The following GPSM1 variants were observed in gnomAD, a reference collection of about 807,000 sequenced individuals.
The protein encoded by GPSM1 is G protein-signaling modulator 1.
A neutral mutation model predicts 70.5 loss-of-function variants in GPSM1; 48 were observed. The observed-to-expected ratio is 0.68, with a 90% confidence interval of 0.54 to 0.87. GPSM1 has a LOEUF of 0.87. Ranked by LOEUF, GPSM1 falls within the 40% of genes least tolerant of loss-of-function variation. GPSM1 has a pLI of 0.00. For synonymous variants in GPSM1, 416 were observed against 430.1 expected (o/e 0.97, Z 0.41); for missense variants, 981 against 972.6 (o/e 1.01, Z -0.11).
intron 11 of GPSM1, among the ~76,000 whole-genome samples, chr9:136,349,986 C>G (rs563194398): frequency 1.3e-5 from 2 of 152,192 alleles, no homozygotes; most frequent in African/African-American, 4.8e-5. Context: ...TCAGAGGCCC[C>G]GGCCACCGAG....
rs1170482009 is a variant in GPSM1, at chr9:136,327,627, G to A, written c.-69G>A. 8.8e-6 allele frequency: 3 copies of A among 340,192 alleles called. No individual in the cohort carries two copies. Among genetic ancestry groups the A allele is most frequent in the Non-Finnish European group, 1.3e-5 (3 of 228,434 alleles). 21.1% of individuals were successfully genotyped at this position (340,192 alleles called of 1,614,324 possible). On this transcript the variant is annotated 5_prime_UTR_variant, in exon 1 of 14. Transcript: ENST00000440944. ...AGGGCGGACAGCAGGGAGGACAGCA[G>A]GGCGGGCAGGGGGCGGACGGCCACG...
chr9:136,327,803 ACCGG>A, intron 1 of GPSM1, 40 bp downstream of exon 1: 1 of 865,084 alleles, frequency 1.2e-6, no homozygotes, highest in African/African-American at 1.8e-5. Context: ...CGGGGCTGGG[ACCGG>A]ACCGGGCCGG....
At position 136,358,376 on chromosome 9, in the gene GPSM1, G is replaced by T. The variant is rs957435852; in HGVS notation, c.*156G>T. The stretch of plus-strand genomic sequence containing the variant: ...CAGGGCGACAGGCTCAGGCCAAGCT[G>T]CCCGTGGTGGGAGGGCGTGCTTCCA... On this transcript the variant is annotated 3_prime_UTR_variant, in exon 14 of 14. Coordinates refer to ENST00000440944, the MANE Select transcript of GPSM1 (RefSeq NM_001145638.3). 5 of 699,044 alleles carry T rather than the reference G, an allele frequency of 7.2e-6. No homozygotes were observed. In the Admixed American group the frequency reaches 1.2e-4, roughly 17 times the overall value. 43.3% of individuals were successfully genotyped at this position (699,044 alleles called of 1,614,324 possible).
intron 9 of GPSM1, among the ~76,000 whole-genome samples, chr9:136,344,501 G>C (rs537032868): frequency 6.6e-6 from 1 of 152,326 alleles, no homozygotes; most frequent in South Asian, 2.1e-4. Flanking sequence ...CAGAGACAGC[G>C]AGGAAGAAGG....
At chr9:136,349,564 C>T (rs761319881) in intron 10 of GPSM1, 23 bp from the exon 11 acceptor site, 14 of 1,544,912 alleles carry the variant, frequency 9.1e-6, no homozygotes, top group Admixed American at 7.9e-5. Context: ...GCCCAGGCCA[C>T]GCACAGCCTT....
intron 11 of GPSM1, chr9:136,355,055 G>A (rs1832778614): frequency 1.5e-6 from 1 of 660,808 alleles, no homozygotes; most frequent in South Asian, 4.2e-5. Flanking sequence ...GGGGTAGCCG[G>A]GTGCCGAGGG....
Position 136,337,970 on chromosome 9 carries a change from T to TCCCCACA in GPSM1, c.818+10_818+16dup, listed in dbSNP as rs1832288725. ...GCCGCCGAGTACTACAAGTAGGTGG[T>TCCCCACA]CCCCACAATCTCCCAGGGAGACAGC... On this transcript the variant is annotated intron_variant, in intron 6 of 13. Coordinates refer to ENST00000440944, the MANE Select transcript of GPSM1 (RefSeq NM_001145638.3). The TCCCCACA allele has an allele frequency of 6.4e-7, 1 of 1,559,002 alleles. No individual in the cohort carries two copies. Among genetic ancestry groups the TCCCCACA allele is most frequent in the African/African-American group, 1.4e-5 (1 of 73,898 alleles).
At position 136,359,146 on chromosome 9, in the gene GPSM1, G is replaced by C. The variant is rs1298632600; in HGVS notation, c.*926G>C. ...GAGATGACATCACTGCTCTCTCCAT[G>C]GGGAGGGGGCTCACAGGGCACCAAG... is the stretch of plus-strand genomic sequence containing the variant. On this transcript the variant is annotated 3_prime_UTR_variant, in exon 14 of 14. Transcript: ENST00000440944. 6.6e-6 allele frequency: 1 copy of C among 152,492 alleles called. No homozygotes were observed. Among genetic ancestry groups the C allele is most frequent in the Non-Finnish European group, 1.5e-5 (1 of 68,168 alleles). The allele number at this position is 152,492 out of a possible 1,614,324, so 9.4% of individuals were successfully genotyped here.
In GPSM1 at chr9:136,358,253, C is replaced by A; in HGVS notation, c.*33C>A. ...TGCCCACCGCCAGGCCCACCCTGCC[C>A]CCACTCCTGGACGCCGGTCTCACAG... On this transcript the variant is annotated 3_prime_UTR_variant, in exon 14 of 14. Coordinates refer to ENST00000440944, the MANE Select transcript of GPSM1 (RefSeq NM_001145638.3). The A allele has an allele frequency of 6.7e-7, 1 of 1,502,466 alleles. No individual in the cohort carries two copies. The highest frequency in any genetic ancestry group is 8.9e-7 in the Non-Finnish European group (1 of 1,118,116). 93.1% of individuals were successfully genotyped at this position (1,502,466 alleles called of 1,614,324 possible).
At chr9:136,345,747 C>G (rs1554771174) in intron 9 of GPSM1, among the ~76,000 whole-genome samples, 1 of 152,184 alleles carries the variant, frequency 6.6e-6, no homozygotes, top group East Asian at 1.9e-4. Context: ...AAGTGAAGGG[C>G]CCGCCCCAGC....
chr9:136,350,959 C>A (rs1554771966), intron 11 of GPSM1, among the ~76,000 whole-genome samples: 2 of 152,194 alleles, frequency 1.3e-5, no homozygotes, highest in Non-Finnish European at 1.5e-5. Context: ...TGTGCCAGGG[C>A]CACCCCAGCC....
rs1335574716 is a variant in GPSM1, at chr9:136,359,355, A to C, written c.*1135A>C. The C allele has an allele frequency of 6.6e-6, 1 of 152,064 alleles. No homozygotes were observed. The highest frequency in any genetic ancestry group is 1.5e-5 in the Non-Finnish European group (1 of 68,010). 9.4% of individuals were successfully genotyped at this position (152,064 alleles called of 1,614,324 possible). ...GAGGGTGCCTCTAGGCCCCACTCTCAGGCTAGGATGGAGAGGCAGATCTGG... is the reference window on the plus strand; with the variant it reads ...GAGGGTGCCTCTAGGCCCCACTCTCCGGCTAGGATGGAGAGGCAGATCTGG... On this transcript the variant is annotated 3_prime_UTR_variant, in exon 14 of 14. Coordinates refer to ENST00000440944, the MANE Select transcript of GPSM1 (RefSeq NM_001145638.3).
chr9:136,328,641 C>T (rs1338013191), intron 1 of GPSM1, among the ~76,000 whole-genome samples: 3 of 152,254 alleles, frequency 2.0e-5, no homozygotes, highest in Admixed American at 6.5e-5. Flanking sequence ...AAGCAGCAAG[C>T]CTCTGCCTGG....
chr9:136,347,478 C>T (rs1213638345), intron 9 of GPSM1, among the ~76,000 whole-genome samples: 2 of 152,066 alleles, frequency 1.3e-5, no homozygotes, highest in African/African-American at 2.4e-5. Flanking sequence ...CTCCCAGCTG[C>T]GAGAGTCTCC....
At chr9:136,339,643 AGGGGCT>A in intron 7 of GPSM1, 58 bp from the exon 8 acceptor site, 2 of 1,140,804 alleles carry the variant, frequency 1.8e-6, no homozygotes, top group Middle Eastern at 2.4e-4. Flanking sequence ...CCACCAGGGG[AGGGGCT>A]GGGGCTGGGG....
intron 1 of GPSM1, among the ~76,000 whole-genome samples, chr9:136,331,395 C>G (rs1038670257): frequency 1.3e-5 from 2 of 150,742 alleles, no homozygotes; most frequent in African/African-American, 4.9e-5. Flanking sequence ...ATGCTGGCAC[C>G]GTGGGCTGGT....
chr9:136,341,229 G>T lies in GPSM1; in HGVS notation c.1207+236G>T. 6.6e-7 allele frequency: 1 copy of T among 1,517,820 alleles called. No individual in the cohort carries two copies. Among genetic ancestry groups the T allele is most frequent in the Non-Finnish European group, 8.9e-7 (1 of 1,129,570 alleles). 94.0% of individuals were successfully genotyped at this position (1,517,820 alleles called of 1,614,324 possible). A position where few individuals can be genotyped will look rare whatever the true frequency, so the allele number is the denominator to read the frequency against. ...CAGGGCTGCTGGATGAAGGACAGGA[G>T]GTGGTCGCCTGTTGCCCCACTGGCT... On this transcript the variant is annotated intron_variant, in intron 9 of 13. Coordinates refer to ENST00000440944, the MANE Select transcript of GPSM1 (RefSeq NM_001145638.3). The surrounding 1 kb of genome is among the most constrained non-coding windows in gnomAD (Gnocchi z 6.7).
chr9:136,348,629 TC>T, intron 9 of GPSM1, 67 bp from the exon 10 acceptor site: 2 of 1,250,262 alleles, frequency 1.6e-6, no homozygotes, highest in Non-Finnish European at 2.3e-6. Flanking sequence ...CCCCAGAGAC[TC>T]TGGCCTGGCC....
rs543097679 is a variant in GPSM1 at position 136,345,086 on chromosome 9, C to T, written c.1208-3611C>T. Among the ~76,000 whole-genome samples the T allele has an allele frequency of 1.3e-3, 201 of 152,254 alleles. No individual in the cohort carries two copies. In the Middle Eastern group the frequency reaches 0.017, roughly 13 times the overall value. On this transcript the variant is annotated intron_variant, in intron 9 of 13. Transcript: ENST00000440944. ...AGACCAGAGGTGGGCGTGAAGGAAC[C>T]GTGGGCAGCTGAAAATCGGGGTTGC...
Sources: gnomAD v4.1 joint callset for allele counts (sites outside exome capture counted in the v4.1 genomes callset) on GRCh38, gnomAD v4.1.1 for gene constraint, Gnocchi (gnomAD v3.1) non-coding constraint, MANE v1.5 for transcripts, NCBI Gene and HGNC (gene_info 2026-07-23, HGNC 2026-07-21) for gene names.